The following TASP1 variants were observed in gnomAD, a reference collection of about 807,000 sequenced individuals.
TASP1 encodes taspase 1.
In TASP1, 16 loss-of-function variants were observed where a neutral mutation model predicts 56.6. That is an observed-to-expected ratio of 0.28 (90% CI 0.19 to 0.43). The LOEUF (loss-of-function observed/expected upper bound fraction) is 0.43, where lower values mean the gene tolerates loss of function less well. TASP1 is among the 20% of genes least tolerant of loss of function. The pLI, the probability that TASP1 is intolerant of heterozygous loss-of-function variation, is 1.00. For synonymous variants in TASP1, 179 were observed against 184.2 expected (o/e 0.97, Z 0.23); for missense variants, 393 against 511.6 (o/e 0.77, Z 2.24).
chr20:13,410,674 T>TC lies in TASP1; in HGVS notation c.1170+6773dup, dbSNP rs201464463. Among the ~76,000 whole-genome samples, 11 of 152,128 alleles carry TC rather than the reference T, an allele frequency of 7.2e-5. 1 individual carries two copies. Among genetic ancestry groups the TC allele is most frequent in the African/African-American group, 2.4e-4 (10 of 41,416 alleles). Reference sequence around the variant, plus strand: ...GTCTTTTGGCTACTTTTTAATGGGATCTTTTTTTTTAAACATTGAGTTGTT... The same window carrying TC: ...GTCTTTTGGCTACTTTTTAATGGGATCCTTTTTTTTTAAACATTGAGTTGTT... On this transcript the variant is annotated intron_variant, in intron 13 of 13. Coordinates refer to ENST00000337743, the MANE Select transcript of TASP1 (RefSeq NM_017714.3).
chr20:13,352,314 G>C, the TASP1 span, among the ~76,000 whole-genome samples: 1 of 152,010 alleles, frequency 6.6e-6, no homozygotes, highest in African/African-American at 2.4e-5. Flanking sequence ...GCCAGGCGTG[G>C]TGGAGCACGC....
chr20:13,220,367 C>A, the TASP1 span, among the ~76,000 whole-genome samples: 75 of 152,316 alleles, frequency 4.9e-4, no homozygotes, highest in African/African-American at 1.7e-3. Context: ...CCCTTCCATT[C>A]GCCAACCGCC....
the TASP1 span, chr20:13,167,485 T>A: frequency 6.6e-6 from 1 of 152,180 alleles, no homozygotes; most frequent in Non-Finnish European, 1.5e-5. Context: ...ATATGCATTT[T>A]TCCTTTACGG....
chr20:13,421,597 A>T (rs1421897795), intron 12 of TASP1, among the ~76,000 whole-genome samples: 1 of 152,222 alleles, frequency 6.6e-6, no homozygotes, highest in African/African-American at 2.4e-5. Context: ...AAGATAATTT[A>T]CATTACTCAT....
the TASP1 span, chr20:13,288,721 G>C: frequency 6.4e-7 from 1 of 1,573,328 alleles, no homozygotes; most frequent in Non-Finnish European, 8.7e-7. Context: ...AGTTCAAGGG[G>C]AAAGCTTTTT....
At chr20:13,498,716 G>A (rs1472305969) in intron 10 of TASP1, among the ~76,000 whole-genome samples, 2 of 149,046 alleles carry the variant, frequency 1.3e-5, no homozygotes, top group Non-Finnish European at 3.0e-5. Context: ...GTTCAACATC[G>A]CTACTGATCA....
chr20:13,131,057 G>C, the TASP1 span, among the ~76,000 whole-genome samples: 2 of 152,170 alleles, frequency 1.3e-5, no homozygotes, highest in African/African-American at 4.8e-5. Context: ...AAAGATCGCA[G>C]CTCAGTCGTT....
intron 11 of TASP1, among the ~76,000 whole-genome samples, chr20:13,444,313 AT>A (rs1237180316): frequency 6.6e-6 from 1 of 152,170 alleles, no homozygotes; most frequent in Non-Finnish European, 1.5e-5. Flanking sequence ...TTCCCATTAC[AT>A]TTAATAAAGA....
At chr20:13,540,697 T>G (rs2045588570) in intron 8 of TASP1, among the ~76,000 whole-genome samples, 1 of 152,234 alleles carries the variant, frequency 6.6e-6, no homozygotes, top group East Asian at 1.9e-4. Context: ...AATCAGAAAA[T>G]TGTTATCTTC....
chr20:13,531,385 G>A (rs2045211022), intron 9 of TASP1, among the ~76,000 whole-genome samples: 1 of 151,944 alleles, frequency 6.6e-6, no homozygotes, highest in African/African-American at 2.4e-5. Flanking sequence ...GAGGACAAAT[G>A]AAATATAATA....
chr20:13,372,124 A>C, the TASP1 span, among the ~76,000 whole-genome samples: 5 of 152,222 alleles, frequency 3.3e-5, no homozygotes, highest in African/African-American at 7.2e-5. Flanking sequence ...TGACTGGATT[A>C]CTTAATCCAC....
At chr20:13,358,889 C>G in the TASP1 span, among the ~76,000 whole-genome samples, 1 of 150,500 alleles carries the variant, frequency 6.6e-6, no homozygotes, top group Non-Finnish European at 1.5e-5. Context: ...CCCCTTCTCT[C>G]CTTGTCTCTA....
At chr20:13,599,795 A>C (rs562395616) in intron 4 of TASP1, among the ~76,000 whole-genome samples, 1 of 151,894 alleles carries the variant, frequency 6.6e-6, no homozygotes, top group Non-Finnish European at 1.5e-5. Context: ...GTGATTTAAA[A>C]AAAAAAAAAA....
the TASP1 span, among the ~76,000 whole-genome samples, chr20:13,127,003 C>T: frequency 1.8e-4 from 28 of 152,342 alleles, no homozygotes; most frequent in Admixed American, 7.8e-4. Context: ...TGTGTGTGCG[C>T]GCACGTGAGC....
chr20:13,475,750 G>T (rs950025822), intron 11 of TASP1, among the ~76,000 whole-genome samples: 1 of 152,058 alleles, frequency 6.6e-6, no homozygotes, highest in African/African-American at 2.4e-5. Flanking sequence ...TAAAAAATTA[G>T]CTGGGCATGG....
chr20:13,240,239 A>G, the TASP1 span, among the ~76,000 whole-genome samples: 9 of 152,256 alleles, frequency 5.9e-5, no homozygotes, highest in African/African-American at 2.2e-4. Flanking sequence ...ATGTTCTAGA[A>G]AGAAAACTGA....
chr20:13,230,242 G>C, the TASP1 span, among the ~76,000 whole-genome samples: 1 of 152,098 alleles, frequency 6.6e-6, no homozygotes, highest in Non-Finnish European at 1.5e-5. Context: ...TTTTTCCTCT[G>C]ATATGCCCAT....
At chr20:13,220,347 G>A in the TASP1 span, among the ~76,000 whole-genome samples, 23 of 152,296 alleles carry the variant, frequency 1.5e-4, no homozygotes, top group East Asian at 4.1e-3. Flanking sequence ...CCCTCAGCCG[G>A]ATCCCAGAGC....
chr20:13,417,809 C>A (rs1229454547), intron 12 of TASP1, among the ~76,000 whole-genome samples: 1 of 151,938 alleles, frequency 6.6e-6, no homozygotes, highest in African/African-American at 2.4e-5. Flanking sequence ...CACACACACT[C>A]GTACATACGG....
Sources: gnomAD v4.1 joint callset for allele counts (sites outside exome capture counted in the v4.1 genomes callset) on GRCh38, gnomAD v4.1.1 for gene constraint, MANE v1.5 for transcripts, NCBI Gene and HGNC (gene_info 2026-07-23, HGNC 2026-07-21) for gene names.